MGST1: variants seen among roughly 807,000 people sequenced by gnomAD.
MGST1 encodes glutathione S-transferase 12.
MGST1 carries 5 observed loss-of-function variants against 8.9 expected under a neutral mutation model. The observed-to-expected ratio is 0.56, with a 90% CI of 0.29 to 1.19. The LOEUF (loss-of-function observed/expected upper bound fraction) is 1.19, where lower values mean the gene tolerates loss of function less well. Among genes scored for constraint, MGST1 ranks in the 50% most tolerant of loss-of-function variants. MGST1 has a pLI of 0.08. For synonymous variants in MGST1, 54 were observed against 67.8 expected (o/e 0.80, Z 1.00); for missense variants, 182 against 187.4 (o/e 0.97, Z 0.17).
intron 1 of MGST1, among the ~76,000 whole-genome samples, chr12:16,348,230 A>T (rs1013623121): frequency 4.6e-5 from 7 of 152,208 alleles, no homozygotes; most frequent in African/African-American, 1.7e-4. Context: ...AATACTAAAT[A>T]ATACTACTGC....
intron 4 of MGST1, among the ~76,000 whole-genome samples, chr12:16,539,169 T>C (rs1591755036): frequency 6.6e-6 from 1 of 152,136 alleles, no homozygotes; most frequent in East Asian, 1.9e-4. Flanking sequence ...ATTAATATGG[T>C]GGGTTAGGGT....
In MGST1 at chr12:16,408,176, T is replaced by C. The variant is rs376198760; in HGVS notation, n.778+24572T>C. ...GCTAAATGATGAGGATGCATGGACA[T>C]ATGGACATAAAGAAGAGAACAGCAA... is the stretch of plus-strand genomic sequence containing the variant. On this transcript the variant is annotated intron_variant and non_coding_transcript_variant, in intron 1 of 1. Transcript: ENST00000359720. 4.2e-4 allele frequency among the ~76,000 whole-genome samples: 63 copies of C among 151,202 alleles called. 2 individuals carry two copies. In the East Asian group the frequency reaches 6.2e-3, roughly 15 times the overall value.
intron 1 of MGST1, among the ~76,000 whole-genome samples, chr12:16,404,726 A>T (rs1457931306): frequency 6.6e-6 from 1 of 151,696 alleles, no homozygotes; most frequent in Non-Finnish European, 1.5e-5. Flanking sequence ...ACTTTTTTAA[A>T]CTCTAGAGAT....
In MGST1 at chr12:16,584,739, C is replaced by T. The variant is rs578103068; in HGVS notation, n.483-4789C>T. Among the ~76,000 whole-genome samples the T allele has an allele frequency of 2.0e-5, 3 of 152,210 alleles. No homozygotes were observed. Among genetic ancestry groups the T allele is most frequent in the African/African-American group, 4.8e-5 (2 of 41,534 alleles). ...CAGCAAGAGATTTCTTTTATCAGGA[C>T]GGGCTGCTTCTCGCCTCACAAAGCA... is the stretch of plus-strand genomic sequence containing the variant. On this transcript the variant is annotated intron_variant and non_coding_transcript_variant, in intron 4 of 4. Transcript: ENST00000538857. This position sits in a 1 kb window ranked among gnomAD's most constrained non-coding sequence, Gnocchi z 5.2.
chr12:16,541,991 T>C (rs1203760805), intron 4 of MGST1, among the ~76,000 whole-genome samples: 1 of 152,130 alleles, frequency 6.6e-6, no homozygotes, highest in East Asian at 1.9e-4. Flanking sequence ...AAGTCCGCCC[T>C]GCTGCAGTGG....
At chr12:16,588,524 A>G (rs1480386169) in intron 4 of MGST1, among the ~76,000 whole-genome samples, 1 of 152,124 alleles carries the variant, frequency 6.6e-6, no homozygotes, top group Admixed American at 6.6e-5. Context: ...GCATGGATAT[A>G]TAAGGTATTT....
chr12:16,409,124 G>C (rs1222462649), intron 1 of MGST1, among the ~76,000 whole-genome samples: 1 of 151,972 alleles, frequency 6.6e-6, no homozygotes, highest in African/African-American at 2.4e-5. Flanking sequence ...GGTCTTTGTG[G>C]ATACAATTTT....
intron 1 of MGST1, among the ~76,000 whole-genome samples, chr12:16,384,709 A>G (rs983315428): frequency 3.3e-5 from 5 of 152,282 alleles, no homozygotes; most frequent in Non-Finnish European, 7.3e-5. Context: ...AAGAATCCCA[A>G]TCACAGGGCA....
At chr12:16,420,539 C>G (rs1418944110) in intron 1 of MGST1, among the ~76,000 whole-genome samples, 1 of 152,098 alleles carries the variant, frequency 6.6e-6, no homozygotes, top group East Asian at 1.9e-4. Context: ...AGGATCAACA[C>G]CTGTGATGGA....
intron 4 of MGST1, among the ~76,000 whole-genome samples, chr12:16,491,966 A>G (rs2137157136): frequency 6.6e-6 from 1 of 152,308 alleles, no homozygotes; most frequent in South Asian, 2.1e-4. Context: ...CTTTGTCTAC[A>G]TTGATGGCTT....
In MGST1 at chr12:16,401,657, G is replaced by A; in HGVS notation, n.778+18053G>A. 6.2e-7 allele frequency: 1 copy of A among 1,601,572 alleles called. No individual in the cohort carries two copies. Among genetic ancestry groups the A allele is most frequent in the Non-Finnish European group, 8.6e-7 (1 of 1,168,602 alleles). On this transcript the variant is annotated intron_variant and non_coding_transcript_variant, in intron 1 of 1. Coordinates refer to the MGST1 transcript ENST00000359720. This position sits in a 1 kb window ranked among gnomAD's most constrained non-coding sequence, Gnocchi z 4.3. ...TCTTGTCACTCACCACACTGAACTT[G>A]AGATTATAGTTGCCACCACTCTGAA... is the stretch of plus-strand genomic sequence containing the variant.
intron 4 of MGST1, among the ~76,000 whole-genome samples, chr12:16,540,033 C>G (rs778470406): frequency 6.6e-6 from 1 of 152,170 alleles, no homozygotes; most frequent in African/African-American, 2.4e-5. Context: ...TTTTACTGCT[C>G]AAGACTCAGC....
chr12:16,476,630 A>G (rs933560524), intron 4 of MGST1, among the ~76,000 whole-genome samples: 15 of 152,220 alleles, frequency 9.9e-5, no homozygotes, highest in African/African-American at 3.4e-4. Context: ...TTGGTTAAAT[A>G]TAATCATTTT....
At chr12:16,493,512 G>A (rs553394134) in intron 4 of MGST1, among the ~76,000 whole-genome samples, 1 of 152,276 alleles carries the variant, frequency 6.6e-6, no homozygotes, top group African/African-American at 2.4e-5. Context: ...ACCGGTTTAA[G>A]TTATTTTGAA....
intron 4 of MGST1, among the ~76,000 whole-genome samples, chr12:16,509,061 T>G (rs1222282400): frequency 1.3e-5 from 2 of 152,140 alleles, no homozygotes; most frequent in Non-Finnish European, 2.9e-5. Context: ...TAATATGAAT[T>G]ATTAAAGCAA....
At chr12:16,425,292 T>G (rs988391010) in intron 1 of MGST1, among the ~76,000 whole-genome samples, 8 of 152,252 alleles carry the variant, frequency 5.3e-5, no homozygotes, top group African/African-American at 1.9e-4. Context: ...TATTATGTAT[T>G]TATTTATTTA....
intron 4 of MGST1, among the ~76,000 whole-genome samples, chr12:16,505,178 C>CT (rs1261448299): frequency 6.6e-6 from 1 of 152,248 alleles, no homozygotes; most frequent in East Asian, 1.9e-4. Context: ...AAACTCCAGA[C>CT]TTTTTTCTGC....
chr12:16,484,033 A>C (rs915631927), intron 4 of MGST1, among the ~76,000 whole-genome samples: 7 of 152,250 alleles, frequency 4.6e-5, no homozygotes, highest in Admixed American at 2.6e-4. Flanking sequence ...TTAGAGACCA[A>C]TAACAGAAAG....
chr12:16,383,460 C>A (rs1259577546), exon 1 of MGST1: 4 of 150,498 alleles, frequency 2.7e-5, no homozygotes. Context: ...CTTTTCTTTT[C>A]TTTTTTCTTT....
Sources: allele counts gnomAD v4.1 joint callset (sites outside exome capture counted in the v4.1 genomes callset), GRCh38; gene constraint gnomAD v4.1.1; non-coding constraint Gnocchi (gnomAD v3.1); transcripts MANE v1.5; gene names NCBI Gene and HGNC (gene_info 2026-07-23, HGNC 2026-07-21).